The following KLHL10 variants were observed in gnomAD, a reference collection of about 807,000 sequenced individuals.
KLHL10 encodes kelch-like protein 10.
In KLHL10, 11 loss-of-function variants were observed where a neutral mutation model predicts 46.6. The observed-to-expected ratio is 0.24, with a 90% confidence interval of 0.15 to 0.39. KLHL10 has a LOEUF of 0.39. KLHL10 is among the 10% of genes least tolerant of loss of function. KLHL10 has a pLI of 1.00. For missense variants in KLHL10, 475 were observed against 789.8 expected (o/e 0.60, Z 4.78); for synonymous variants, 254 against 279.1 (o/e 0.91, Z 0.90).
upstream of KLHL10, chr17:41,836,130 C>T (rs1337034437): frequency 6.8e-6 from 9 of 1,320,828 alleles, no homozygotes; most frequent in Non-Finnish European, 7.7e-6. Flanking sequence ...CGAAGCGCCC[C>T]GGGGGTCGGA....
rs1555621735 is a variant in KLHL10, at chr17:41,848,322, C to T, written c.*15C>T. ...TACCTGTATGAGCCTCTTCATTTAGCTAATAAAAAGTCTAAGCAATAAGAA... is the reference window on the plus strand; with the variant it reads ...TACCTGTATGAGCCTCTTCATTTAGTTAATAAAAAGTCTAAGCAATAAGAA... On this transcript the variant is annotated 3_prime_UTR_variant, in exon 5 of 5. Transcript: ENST00000293303. 6.2e-7 allele frequency: 1 copy of T among 1,603,574 alleles called. No homozygotes were observed. Among genetic ancestry groups the T allele is most frequent in the Non-Finnish European group, 8.5e-7 (1 of 1,178,952 alleles).
chr17:41,835,949 G>C, upstream of KLHL10: 1 of 1,591,162 alleles, frequency 6.3e-7, no homozygotes, highest in Admixed American at 1.8e-5. Flanking sequence ...CCTTCATCAG[G>C]GTGCTCACCT....
In KLHL10 at chr17:41,838,654, TG is replaced by T. The variant is rs1426139158; in HGVS notation, c.194+529del. Among the ~76,000 whole-genome samples, 191 of 72,034 alleles carry T rather than the reference TG, an allele frequency of 2.7e-3. 3 individuals carry two copies. The highest frequency in any genetic ancestry group is 8.7e-3 in the African/African-American group (180 of 20,728). The allele number at this position is 72,034 out of a possible 152,430, so 47.3% of individuals were successfully genotyped here. On this transcript the variant is annotated intron_variant, in intron 1 of 4. Transcript: ENST00000293303. ...CTCTCTTTTTTTTTTTTGTTTGTTT[TG>T]TTTTTTTTTTTCCTTTTGCTCTTGA...
chr17:41,845,842 A>G (rs1555621337), intron 3 of KLHL10, 99 bp downstream of exon 3: 1 of 1,456,810 alleles, frequency 6.9e-7, no homozygotes, highest in African/African-American at 1.4e-5. Context: ...CAGTGGCAGT[A>G]TTCACTTTGG....
intron 2 of KLHL10, among the ~76,000 whole-genome samples, chr17:41,843,520 A>C (rs12051681): frequency 1.4e-5 from 2 of 145,448 alleles, no homozygotes; most frequent in African/African-American, 2.5e-5. Flanking sequence ...ACAAAAAAAA[A>C]AAAAAAAATC....
chr17:41,847,204 CCTTT>C (rs1555621540), intron 3 of KLHL10, 53 bp from the exon 4 acceptor site: 4 of 1,523,448 alleles, frequency 2.6e-6, no homozygotes, highest in South Asian at 2.2e-5. Flanking sequence ...ACACACATAT[CCTTT>C]CTTTCTACTC....
At chr17:41,837,496 T>A, upstream of KLHL10, 1 of 992,386 alleles carries the variant, frequency 1.0e-6, no homozygotes, top group Non-Finnish European at 1.2e-6. Context: ...TCAGCCTCAA[T>A]TGACTTGGAT....
rs781820268 is a variant in KLHL10, at chr17:41,838,065, G to A, written c.133G>A (p.Val45Ile). ...CAAGCTCTGCGACGTGGTCATCAAG[G>A]TCAATGGCTTTGAGTTCAGTGCCCA... ...EGKLCDVVIK[V>I]NGFEFSAHKN... The change falls in exon 1 of 5, where the codon GTC (valine) becomes ATC (isoleucine). Residue 45 changes from valine to isoleucine, a missense_variant. By Grantham distance (29) the Val-to-Ile change is conservative (BLOSUM62 3). Transcript: ENST00000293303. The A allele has an allele frequency of 8.1e-6, 13 of 1,614,054 alleles. No homozygotes were observed. The South Asian group carries it at 1.4e-4, about 18-fold the overall frequency.
At chr17:41,841,695 G>A (rs1370111879) in intron 1 of KLHL10, 128 bp from the exon 2 acceptor site, 15 of 1,060,362 alleles carry the variant, frequency 1.4e-5, no homozygotes, top group Non-Finnish European at 2.0e-5. Flanking sequence ...AGAGTTCTTG[G>A]AAAGGTGTTC....
At chr17:41,835,882 T>C, upstream of KLHL10, 7 of 1,609,128 alleles carry the variant, frequency 4.4e-6, no homozygotes, top group Non-Finnish European at 5.9e-6. Flanking sequence ...CCGCCGCCCT[T>C]GCGGAGGGCG....
chr17:41,841,477 GC>G (rs1366854079), intron 1 of KLHL10, among the ~76,000 whole-genome samples: 2 of 152,158 alleles, frequency 1.3e-5, no homozygotes, highest in African/African-American at 2.4e-5. Flanking sequence ...ACCATGCCCA[GC>G]TAATTTTTGT....
intron 1 of KLHL10, among the ~76,000 whole-genome samples, chr17:41,841,588 T>C (rs1388588204): frequency 2.0e-5 from 3 of 152,178 alleles, no homozygotes; most frequent in East Asian, 3.9e-4. Flanking sequence ...GCTGAGATTA[T>C]AGGCGTGAGC....
intron 3 of KLHL10, among the ~76,000 whole-genome samples, chr17:41,846,992 G>A (rs1045252789): frequency 6.6e-6 from 1 of 152,164 alleles, no homozygotes; most frequent in African/African-American, 2.4e-5. Flanking sequence ...GTGTGCGCCT[G>A]TAGTCCCAGC....
upstream of KLHL10, among the ~76,000 whole-genome samples, chr17:41,837,322 G>A (rs1197948444): frequency 2.0e-5 from 3 of 152,168 alleles, no homozygotes; most frequent in African/African-American, 4.8e-5. Flanking sequence ...GTGCCACCAC[G>A]CCCAGCTAAT....
intron 2 of KLHL10, among the ~76,000 whole-genome samples, chr17:41,843,880 G>C (rs1468443917): frequency 1.3e-5 from 2 of 150,854 alleles, no homozygotes; most frequent in African/African-American, 5.0e-5. Context: ...TCCTGCCTCA[G>C]GCTCCCCAGT....
Position 41,844,978 on chromosome 17 carries a change from C to T in KLHL10, c.685-148C>T, listed in dbSNP as rs373627780. ...GGGATTATGGTGTGAGCCTCAAAAT[C>T]GACTATTTAAACTGTGACTTATACA... On this transcript the variant is annotated intron_variant, in intron 2 of 4. Coordinates refer to ENST00000293303, the MANE Select transcript of KLHL10 (RefSeq NM_152467.5). 12 of 979,018 alleles carry T rather than the reference C, an allele frequency of 1.2e-5. No individual in the cohort carries two copies. In the African/African-American group the frequency reaches 1.8e-4, roughly 14 times the overall value. 60.6% of individuals were successfully genotyped at this position (979,018 alleles called of 1,614,324 possible). A position where few individuals can be genotyped will look rare whatever the true frequency, so the allele number is the denominator to read the frequency against.
rs1376809554 is a variant in KLHL10, at chr17:41,845,212, A to G, written c.771A>G (p.Pro257=). 1 of 1,614,106 alleles carries G rather than the reference A, an allele frequency of 6.2e-7. No individual in the cohort carries two copies. Among genetic ancestry groups the G allele is most frequent in the Non-Finnish European group, 8.5e-7 (1 of 1,180,040 alleles). The part of the protein sequence containing the change: ...DYVKDSEECK[P]VIINALKAMY... Reference sequence around the variant, plus strand: ...TCAAAGACAGTGAGGAATGCAAACCAGTCATCATTAATGCCCTAAAGGCCA... The same window carrying G: ...TCAAAGACAGTGAGGAATGCAAACCGGTCATCATTAATGCCCTAAAGGCCA... Residue 257 remains proline (P), a synonymous_variant, in exon 3 of 5, where the codon CCA becomes CCG. Transcript: ENST00000293303.
intron 3 of KLHL10, 196 bp downstream of exon 3, chr17:41,845,939 C>T (rs984195821): frequency 3.5e-5 from 27 of 761,596 alleles, no homozygotes; most frequent in Non-Finnish European, 4.7e-5. Context: ...AAGCCGGGCA[C>T]GGTGGCTCAA....
At chr17:41,839,789 T>C (rs373099771) in intron 1 of KLHL10, among the ~76,000 whole-genome samples, 1 of 152,208 alleles carries the variant, frequency 6.6e-6, no homozygotes, top group East Asian at 1.9e-4. Context: ...CTCAGCTCAC[T>C]GCAACCTCCA....
Sources: allele counts gnomAD v4.1 joint callset (sites outside exome capture counted in the v4.1 genomes callset), GRCh38; gene constraint gnomAD v4.1.1; transcripts MANE v1.5; gene names NCBI Gene and HGNC (gene_info 2026-07-23, HGNC 2026-07-21).